MAST4: variants seen among roughly 807,000 people sequenced by gnomAD.
MAST4 encodes the protein microtubule associated serine/threonine kinase family member 4, also known as microtubule-associated serine/threonine-protein kinase 4.
In MAST4, 89 loss-of-function variants were observed where a neutral mutation model predicts 162.7. That is an observed-to-expected ratio of 0.55 (90% CI 0.46 to 0.65). MAST4 has a LOEUF of 0.65. MAST4 is among the 30% of genes least tolerant of loss of function. MAST4 has a pLI of 0.00. For missense variants in MAST4, 3,153 were observed against 3,374.0 expected (o/e 0.93, Z 1.62); for synonymous variants, 1,479 against 1,361.1 (o/e 1.09, Z -1.91).
chr5:67,017,267 C>T (rs1182919069), intron 4 of MAST4, among the ~76,000 whole-genome samples: 1 of 152,146 alleles, frequency 6.6e-6, no homozygotes, highest in Non-Finnish European at 1.5e-5. Context: ...TTTGGTGATA[C>T]AATATGTGAG....
chr5:66,874,794 C>CCAGAGCTATCT (rs1343402885), intron 3 of MAST4, among the ~76,000 whole-genome samples: 1 of 152,172 alleles, frequency 6.6e-6, no homozygotes, highest in Non-Finnish European at 1.5e-5. Context: ...GAAAATCAGC[C>CCAGAGCTATCT]CAGAGCTATC....
chr5:67,070,640 A>G (rs1423305217), intron 5 of MAST4, among the ~76,000 whole-genome samples: 2 of 152,168 alleles, frequency 1.3e-5, no homozygotes, highest in Admixed American at 1.3e-4. Context: ...TATTTGTAAA[A>G]CTGCTATAAT....
intron 4 of MAST4, among the ~76,000 whole-genome samples, chr5:66,901,120 G>T (rs561942022): frequency 2.9e-4 from 44 of 152,140 alleles, no homozygotes; most frequent in African/African-American, 1.0e-3. Context: ...CAAACTTTTT[G>T]ATATTTCCCA....
At chr5:66,842,592 A>G (rs978552256) in intron 3 of MAST4, among the ~76,000 whole-genome samples, 6 of 152,138 alleles carry the variant, frequency 3.9e-5, no homozygotes, top group African/African-American at 1.4e-4. Flanking sequence ...CTGTGTCTTC[A>G]ACATACTTGC....
chr5:66,833,938 C>T (rs9918222), intron 3 of MAST4, among the ~76,000 whole-genome samples: 36,444 of 152,032 alleles, frequency 0.24, 5,627 homozygotes, highest in Non-Finnish European at 0.35. Context: ...TCTGAATCTC[C>T]CATGTCCACG....
At chr5:66,856,765 C>CT (rs1160744242) in intron 3 of MAST4, among the ~76,000 whole-genome samples, 1 of 152,192 alleles carries the variant, frequency 6.6e-6, no homozygotes, top group Non-Finnish European at 1.5e-5. Flanking sequence ...TTGGATTGTG[C>CT]TTTTTATTAA....
chr5:66,621,915 G>A (rs996576956), intron 1 of MAST4, among the ~76,000 whole-genome samples: 6 of 152,106 alleles, frequency 3.9e-5, no homozygotes, highest in Non-Finnish European at 4.4e-5. Flanking sequence ...GGTTTTTGTC[G>A]CAACTACTCA....
At chr5:66,839,798 C>G (rs1758288272) in intron 3 of MAST4, among the ~76,000 whole-genome samples, 1 of 152,056 alleles carries the variant, frequency 6.6e-6, no homozygotes, top group Non-Finnish European at 1.5e-5. Context: ...CAAATTCAGC[C>G]AAGATTTTTG....
At chr5:67,099,806 T>G (rs1764831870) in intron 7 of MAST4, among the ~76,000 whole-genome samples, 1 of 151,962 alleles carries the variant, frequency 6.6e-6, no homozygotes, top group South Asian at 2.1e-4. Flanking sequence ...TCACCACCAC[T>G]TGAAGGTTTT....
intron 13 of MAST4, among the ~76,000 whole-genome samples, chr5:67,119,348 C>T (rs1046882196): frequency 3.3e-5 from 5 of 152,120 alleles, no homozygotes; most frequent in African/African-American, 1.2e-4. Flanking sequence ...TGCCGTGGCA[C>T]AGGTGAGAGG....
At chr5:66,745,526 G>T (rs1382083956) in intron 1 of MAST4, among the ~76,000 whole-genome samples, 3 of 152,188 alleles carry the variant, frequency 2.0e-5, no homozygotes, top group Non-Finnish European at 2.9e-5. Context: ...GCTCCGTACT[G>T]CTCTGTGCTC....
intron 4 of MAST4, among the ~76,000 whole-genome samples, chr5:67,019,850 C>G (rs1387821729): frequency 6.6e-6 from 1 of 152,084 alleles, no homozygotes; most frequent in African/African-American, 2.4e-5. Context: ...GAGGTATAAT[C>G]TGGAATAGAC....
In MAST4 at chr5:66,838,373, C is replaced by A. The variant is rs114560754; in HGVS notation, c.642+49579C>A. Among the ~76,000 whole-genome samples the A allele has an allele frequency of 6.0e-3, 913 of 152,172 alleles. 7 individuals are homozygous for A. Among genetic ancestry groups the A allele is most frequent in the African/African-American group, 0.021 (873 of 41,536 alleles). ...AGGCAGTCAAGGACAGAACCCCATT[C>A]TTTGCTTTTCTTTCAATAAATGTTT... On this transcript the variant is annotated intron_variant, in intron 3 of 28. Coordinates refer to ENST00000403625, the MANE Select transcript of MAST4 (RefSeq NM_001164664.2).
In MAST4 at chr5:66,619,020, C is replaced by T. The variant is rs114309526; in HGVS notation, c.363+22002C>T. ...ACGCACTAAATGCTGGCCTGTCACCCCAAGTCTTGTGGAGGGTAGTAGGGA... is the reference window on the plus strand; with the variant it reads ...ACGCACTAAATGCTGGCCTGTCACCTCAAGTCTTGTGGAGGGTAGTAGGGA... On this transcript the variant is annotated intron_variant, in intron 1 of 28. Coordinates refer to ENST00000403625, the MANE Select transcript of MAST4 (RefSeq NM_001164664.2). 3.7e-3 allele frequency among the ~76,000 whole-genome samples: 563 copies of T among 152,188 alleles called. 3 individuals are homozygous for T. The highest frequency in any genetic ancestry group is 0.016 in the South Asian group (75 of 4,804).
chr5:66,599,510 C>T (rs957734590), intron 1 of MAST4, among the ~76,000 whole-genome samples: 1 of 152,192 alleles, frequency 6.6e-6, no homozygotes, highest in African/African-American at 2.4e-5. Flanking sequence ...GCATTTTACA[C>T]ATGCTATCTA....
rs79428233 is a variant in MAST4, at chr5:66,979,202, G to A, written c.675-75202G>A. On this transcript the variant is annotated intron_variant, in intron 4 of 28. Transcript: ENST00000403625. The stretch of plus-strand genomic sequence containing the variant: ...CACAGCAGCCAAGTAGAAAGGTCCA[G>A]CCTGCTGTTGGAGATGCACCCTAGG... Among the ~76,000 whole-genome samples, 598 of 152,288 alleles carry A rather than the reference G, an allele frequency of 3.9e-3. 5 individuals carry two copies. Among genetic ancestry groups the A allele is most frequent in the African/African-American group, 0.014 (565 of 41,554 alleles).
intron 4 of MAST4, among the ~76,000 whole-genome samples, chr5:66,994,267 ATTTTC>A (rs947034028): frequency 5.9e-5 from 9 of 151,662 alleles, no homozygotes; most frequent in African/African-American, 2.2e-4. Flanking sequence ...CTTTTACCCA[ATTTTC>A]TTTTATTTTC....
intron 4 of MAST4, among the ~76,000 whole-genome samples, chr5:66,948,199 G>A (rs1039435401): frequency 3.9e-5 from 6 of 152,130 alleles, no homozygotes; most frequent in Admixed American, 6.6e-5. Flanking sequence ...ACGAGAACCC[G>A]TGCCACATTC....
intron 1 of MAST4, among the ~76,000 whole-genome samples, chr5:66,636,167 A>C (rs755208069): frequency 1.3e-5 from 2 of 151,972 alleles, no homozygotes; most frequent in Non-Finnish European, 2.9e-5. Flanking sequence ...CGTGTTAGCC[A>C]GGATGGTCTT....
Sources: gnomAD v4.1 joint callset for allele counts (sites outside exome capture counted in the v4.1 genomes callset) on GRCh38, gnomAD v4.1.1 for gene constraint, MANE v1.5 for transcripts, NCBI Gene and HGNC (gene_info 2026-07-23, HGNC 2026-07-21) for gene names.